Variants in PRORP observed in about 807,000 individuals in gnomAD.
PRORP encodes the protein protein only RNase P catalytic subunit.
Under a neutral mutation model 59.4 loss-of-function variants are expected in PRORP, and 51 were observed. The observed-to-expected ratio is 0.86, with a 90% CI of 0.69 to 1.08. PRORP has a LOEUF of 1.08. Among genes scored for constraint, PRORP ranks in the 50% least tolerant of loss-of-function variants. The pLI is 0.00. For synonymous variants in PRORP, 231 were observed against 245.6 expected (o/e 0.94, Z 0.55); for missense variants, 646 against 690.3 (o/e 0.94, Z 0.72).
At chr14:35,228,419 G>A (rs924259808) in intron 5 of PRORP, among the ~76,000 whole-genome samples, 5 of 152,172 alleles carry the variant, frequency 3.3e-5, no homozygotes, top group Non-Finnish European at 7.3e-5. Flanking sequence ...AGTGAACATA[G>A]TACCCAATAG....
In PRORP at chr14:35,145,565, C is replaced by CA. The variant is rs1283127588; in HGVS notation, c.1167+17959dup. Reference sequence around the variant, plus strand: ...TGAAACCCCGTCTGTACTAAAAATACAAAAATTAGCTGGGCATGGTGGCAT... The same window carrying CA: ...TGAAACCCCGTCTGTACTAAAAATACAAAAAATTAGCTGGGCATGGTGGCAT... On this transcript the variant is annotated intron_variant, in intron 4 of 7. Transcript: ENST00000534898. 2.1e-5 allele frequency among the ~76,000 whole-genome samples: 3 copies of CA among 141,010 alleles called. 1 individual carries two copies. Among genetic ancestry groups the CA allele is most frequent in the Non-Finnish European group, 4.7e-5 (3 of 64,016 alleles). 92.5% of individuals were successfully genotyped at this position (141,010 alleles called of 152,430 possible).
intron 5 of PRORP, among the ~76,000 whole-genome samples, chr14:35,228,520 A>C (rs2049994064): frequency 6.6e-6 from 1 of 152,152 alleles, no homozygotes; most frequent in Admixed American, 6.5e-5. Context: ...ATGAGTACCC[A>C]ATGTTTATCT....
chr14:35,262,590 T>G (rs1440176406), intron 5 of PRORP: 2 of 718,952 alleles, frequency 2.8e-6, no homozygotes, highest in Non-Finnish European at 5.2e-6. Context: ...TCAGTGTAGA[T>G]TCAGTCTTCT....
At chr14:35,132,212 C>T (rs2047259844) in intron 4 of PRORP, among the ~76,000 whole-genome samples, 1 of 148,672 alleles carries the variant, frequency 6.7e-6, no homozygotes, top group Non-Finnish European at 1.5e-5. Context: ...AATCCCAGCA[C>T]TTTGGGAGGC....
At chr14:35,232,239 TTTG>T (rs1173766296) in intron 5 of PRORP, among the ~76,000 whole-genome samples, 2 of 151,832 alleles carry the variant, frequency 1.3e-5, no homozygotes, top group Non-Finnish European at 2.9e-5. Context: ...AGGGTCTCAC[TTTG>T]TCACCCAGGC....
chr14:35,239,210 T>G (rs1343224192), intron 5 of PRORP, among the ~76,000 whole-genome samples: 2 of 151,604 alleles, frequency 1.3e-5, no homozygotes, highest in Admixed American at 1.3e-4. Flanking sequence ...ACAAAAAAAT[T>G]AGCCAGGTGT....
chr14:35,133,137 G>T (rs766094846), intron 4 of PRORP, among the ~76,000 whole-genome samples: 10 of 152,068 alleles, frequency 6.6e-5, no homozygotes, highest in Non-Finnish European at 1.5e-4. Flanking sequence ...GGCCAGGCTG[G>T]TCTCGAACTC....
Position 35,186,778 on chromosome 14 carries a change from A to T in PRORP, c.1275+6001A>T, listed in dbSNP as rs554748250. On this transcript the variant is annotated intron_variant, in intron 5 of 7. Coordinates refer to ENST00000534898, the MANE Select transcript of PRORP (RefSeq NM_014672.4). ...AGCTAATTTTATTATTATTATTATT[A>T]TTTTTCATAGAAACAGGGTCTCACT... 9.9e-5 allele frequency among the ~76,000 whole-genome samples: 15 copies of T among 151,366 alleles called. No individual in the cohort carries two copies. The South Asian group carries it at 1.5e-3, about 15-fold the overall frequency.
At chr14:35,147,463 C>T (rs984493241) in intron 4 of PRORP, among the ~76,000 whole-genome samples, 1 of 152,210 alleles carries the variant, frequency 6.6e-6, no homozygotes, top group Non-Finnish European at 1.5e-5. Flanking sequence ...CCACCTCAGC[C>T]TCCTGAGTAG....
intron 5 of PRORP, among the ~76,000 whole-genome samples, chr14:35,193,421 A>G (rs1033238628): frequency 6.6e-6 from 1 of 152,252 alleles, no homozygotes; most frequent in Non-Finnish European, 1.5e-5. Context: ...GTTTTACTAC[A>G]GTGAGAGAAA....
At position 35,141,207 on chromosome 14, in the gene PRORP, GT is replaced by G. The variant is rs1388198167; in HGVS notation, c.1167+13603del. Among the ~76,000 whole-genome samples the G allele has an allele frequency of 2.8e-5, 4 of 143,918 alleles. 1 individual carries two copies. Among genetic ancestry groups the G allele is most frequent in the Non-Finnish European group, 6.2e-5 (4 of 64,756 alleles). 94.4% of individuals were successfully genotyped at this position (143,918 alleles called of 152,430 possible). A position where few individuals can be genotyped will look rare whatever the true frequency, so the allele number is the denominator to read the frequency against. ...ATAGTGTTACTTTAATGTTAATTAG[GT>G]TTTTTTCTTATTTTCCTTCCTTCTT... On this transcript the variant is annotated intron_variant, in intron 4 of 7. Transcript: ENST00000534898.
chr14:35,263,448 A>G (rs1029184236), intron 5 of PRORP, among the ~76,000 whole-genome samples: 1 of 152,208 alleles, frequency 6.6e-6, no homozygotes, highest in African/African-American at 2.4e-5. Flanking sequence ...GCACTTTGCT[A>G]GGCTGAGGTG....
chr14:35,266,896 GT>G (rs1367760357), intron 6 of PRORP, 21 bp downstream of exon 6: 11 of 1,613,574 alleles, frequency 6.8e-6, no homozygotes, highest in Non-Finnish European at 8.5e-6. Context: ...GAGGTAATAG[GT>G]GAATTATACT....
intron 5 of PRORP, among the ~76,000 whole-genome samples, chr14:35,185,720 T>C (rs1374185405): frequency 6.6e-6 from 1 of 152,188 alleles, no homozygotes; most frequent in Non-Finnish European, 1.5e-5. Flanking sequence ...AAAAGTGTTA[T>C]AAAAGTGAAG....
intron 4 of PRORP, among the ~76,000 whole-genome samples, chr14:35,143,092 C>T (rs1244143927): frequency 6.9e-6 from 1 of 145,808 alleles, no homozygotes; most frequent in African/African-American, 2.4e-5. Flanking sequence ...AGTTCTTAAC[C>T]TTTTGGTCTC....
intron 5 of PRORP, among the ~76,000 whole-genome samples, chr14:35,225,847 G>T (rs1243543192): frequency 1.3e-5 from 2 of 151,890 alleles, no homozygotes; most frequent in African/African-American, 4.8e-5. Flanking sequence ...AGGAGTTCAA[G>T]ACCAGCCTGG....
intron 4 of PRORP, 121 bp downstream of exon 4, chr14:35,127,732 C>T (rs1444580557): frequency 3.4e-6 from 3 of 890,926 alleles, no homozygotes; most frequent in Non-Finnish European, 5.2e-6. Context: ...CCTGTTGCAA[C>T]TTTTCAACTC....
chr14:35,224,903 CAT>C (rs373171335), intron 5 of PRORP, among the ~76,000 whole-genome samples: 1 of 151,672 alleles, frequency 6.6e-6, no homozygotes, highest in African/African-American at 2.4e-5. Flanking sequence ...TTTTTGGTCA[CAT>C]GTGTTCTGGG....
intron 5 of PRORP, among the ~76,000 whole-genome samples, chr14:35,213,654 T>C (rs2049510012): frequency 6.6e-6 from 1 of 152,218 alleles, no homozygotes; most frequent in Admixed American, 6.5e-5. Flanking sequence ...TTGATATTAT[T>C]ATGTCTTGGG....
Sources: allele counts gnomAD v4.1 joint callset (sites outside exome capture counted in the v4.1 genomes callset), GRCh38; gene constraint gnomAD v4.1.1; transcripts MANE v1.5; gene names NCBI Gene and HGNC (gene_info 2026-07-23, HGNC 2026-07-21).